Variants in TBC1D1 observed in about 807,000 individuals in gnomAD.
TBC1D1 encodes the protein TBC1 domain family member 1, also known as TBC1 (tre-2/USP6, BUB2, cdc16) domain family, member 1.
In TBC1D1, 89 loss-of-function variants were observed where a neutral mutation model predicts 125.6. The observed-to-expected ratio is 0.71, with a 90% confidence interval of 0.60 to 0.85. The LOEUF (loss-of-function observed/expected upper bound fraction) is 0.85, where lower values mean the gene tolerates loss of function less well. Among genes scored for constraint, TBC1D1 ranks in the 40% least tolerant of loss-of-function variants. TBC1D1 has a pLI of 0.00. For synonymous variants in TBC1D1, 565 were observed against 564.1 expected, an observed-to-expected ratio of 1.00 and a Z score of -0.02; for missense variants, 1,377 against 1,469.2, an observed-to-expected ratio of 0.94 and a Z score of 1.03.
intron 2 of TBC1D1, among the ~76,000 whole-genome samples, chr4:37,939,466 G>T (rs1472936490): frequency 6.6e-6 from 1 of 152,184 alleles, no homozygotes; most frequent in Non-Finnish European, 1.5e-5. Flanking sequence ...CTCCCATTCT[G>T]TAGGTTGCCT....
chr4:38,014,648 A>C lies in TBC1D1; in HGVS notation c.557A>C (p.Lys186Thr). 6.2e-7 allele frequency: 1 copy of C among 1,613,322 alleles called. No individual in the cohort carries two copies. Among genetic ancestry groups the C allele is most frequent in the Non-Finnish European group, 8.5e-7 (1 of 1,180,026 alleles). ...TGCGGCCGCGTGACGGTGGCGCACA[A>C]GAAGGCTCCGCCGGCCCTGATCGAC... is the stretch of plus-strand genomic sequence containing the variant. The change falls in exon 3 of 20, where the codon AAG becomes ACG. Residue 186 changes from lysine to threonine, a missense_variant. By Grantham distance (78) the Lys-to-Thr change is moderately conservative. This residue lies in a region of TBC1D1 where 822 missense variants were observed against 824.6 expected (regional missense o/e 1.00). Coordinates refer to ENST00000261439, the MANE Select transcript of TBC1D1 (RefSeq NM_015173.4). The surrounding 1 kb of genome is among the most constrained non-coding windows in gnomAD (Gnocchi z 5.1).
At chr4:38,093,681 G>A (rs1022701060) in intron 13 of TBC1D1, among the ~76,000 whole-genome samples, 17 of 148,150 alleles carry the variant, frequency 1.1e-4, no homozygotes, top group Non-Finnish European at 1.7e-4. Context: ...CACCACACCC[G>A]GCTAATTTTT....
intron 12 of TBC1D1, among the ~76,000 whole-genome samples, chr4:38,062,261 T>G (rs894817098): frequency 1.3e-5 from 2 of 151,864 alleles, no homozygotes; most frequent in Admixed American, 6.6e-5. Flanking sequence ...CCCGGAAAAG[T>G]GTGCTTGTTT....
At chr4:38,117,668 C>T (rs1358139685) in intron 16 of TBC1D1, among the ~76,000 whole-genome samples, 1 of 152,196 alleles carries the variant, frequency 6.6e-6, no homozygotes, top group African/African-American at 2.4e-5. Context: ...CTTCTTATTT[C>T]TAATTCCTCC....
intron 8 of TBC1D1, 63 bp downstream of exon 8, chr4:38,035,761 G>A (rs1053977517): frequency 9.7e-6 from 12 of 1,239,438 alleles, no homozygotes; most frequent in East Asian, 4.8e-5. Context: ...TATAAACAAC[G>A]TTTTGAGGAT....
At chr4:37,920,636 AG>A (rs1443476734) in intron 2 of TBC1D1, among the ~76,000 whole-genome samples, 1 of 152,186 alleles carries the variant, frequency 6.6e-6, no homozygotes, top group Non-Finnish European at 1.5e-5. Flanking sequence ...GGAGCCATGC[AG>A]GTGGAGCATA....
intron 18 of TBC1D1, among the ~76,000 whole-genome samples, chr4:38,125,439 T>C (rs753937218): frequency 6.6e-6 from 1 of 152,226 alleles, no homozygotes; most frequent in Non-Finnish European, 1.5e-5. Flanking sequence ...CTGAAACATA[T>C]ATATATTTAT....
chr4:38,031,046 G>A (rs559102657), intron 7 of TBC1D1, among the ~76,000 whole-genome samples: 16 of 152,290 alleles, frequency 1.1e-4, no homozygotes, highest in South Asian at 4.1e-4. Flanking sequence ...ATTTATGAGC[G>A]TTTTTGAAAT....
chr4:38,115,349 A>T (rs675536), intron 15 of TBC1D1, among the ~76,000 whole-genome samples: 3 of 151,368 alleles, frequency 2.0e-5, no homozygotes, highest in African/African-American at 7.3e-5. Flanking sequence ...CGATCCTTCC[A>T]CCTAGGCCTC....
chr4:38,020,274 G>A (rs1166804099), intron 4 of TBC1D1, among the ~76,000 whole-genome samples: 1 of 152,056 alleles, frequency 6.6e-6, no homozygotes, highest in East Asian at 1.9e-4. Flanking sequence ...ATTACCTGAG[G>A]TCAGGAGTTC....
intron 2 of TBC1D1, among the ~76,000 whole-genome samples, chr4:37,998,018 C>T (rs1033173861): frequency 2.0e-5 from 3 of 152,108 alleles, no homozygotes; most frequent in African/African-American, 7.2e-5. Context: ...TGCCATCTAG[C>T]CACTGAACCC....
At chr4:37,956,539 A>T (rs1372131100) in intron 2 of TBC1D1, among the ~76,000 whole-genome samples, 1 of 152,210 alleles carries the variant, frequency 6.6e-6, no homozygotes, top group East Asian at 1.9e-4. Context: ...ATTGTGCTTT[A>T]ACACATTTAA....
intron 8 of TBC1D1, among the ~76,000 whole-genome samples, chr4:38,043,920 T>C (rs1748907785): frequency 6.6e-6 from 1 of 152,236 alleles, no homozygotes; most frequent in Non-Finnish European, 1.5e-5. Context: ...TAATGATAGC[T>C]ACCTTTCTAC....
At chr4:38,032,140 G>A (rs1044383679) in intron 7 of TBC1D1, among the ~76,000 whole-genome samples, 7 of 152,124 alleles carry the variant, frequency 4.6e-5, no homozygotes, top group Non-Finnish European at 5.9e-5. Context: ...CCAACATGGC[G>A]AAACCCTGTC....
At chr4:38,116,856 T>C (rs1206205239) in intron 16 of TBC1D1, among the ~76,000 whole-genome samples, 1 of 152,200 alleles carries the variant, frequency 6.6e-6, no homozygotes, top group African/African-American at 2.4e-5. Flanking sequence ...TGGGAGGGAA[T>C]ACATTAGAGC....
At chr4:38,063,925 G>A (rs1339253201) in intron 12 of TBC1D1, among the ~76,000 whole-genome samples, 1 of 152,090 alleles carries the variant, frequency 6.6e-6, no homozygotes, top group African/African-American at 2.4e-5. Flanking sequence ...CCGACCCACC[G>A]CAGTCTAATT....
rs541376156 is a variant in TBC1D1, at chr4:38,101,222, G to A, written c.2399-1777G>A. Reference sequence around the variant, plus strand: ...CAGAAACCAGAGAAACCATCCTTCTGGACAGGCTGTCTGAGTGGCAGGGCA... The same window carrying A: ...CAGAAACCAGAGAAACCATCCTTCTAGACAGGCTGTCTGAGTGGCAGGGCA... On this transcript the variant is annotated intron_variant, in intron 14 of 19. Transcript: ENST00000261439. 3.9e-4 allele frequency among the ~76,000 whole-genome samples: 60 copies of A among 152,330 alleles called. 2 individuals are homozygous for A. In the Middle Eastern group the frequency reaches 0.02, roughly 52 times the overall value.
Position 37,909,571 on chromosome 4 carries a change from C to T in TBC1D1, c.417+7059C>T, listed in dbSNP as rs1046864812. Among the ~76,000 whole-genome samples the T allele has an allele frequency of 5.9e-5, 9 of 152,284 alleles. No homozygotes were observed. In the South Asian group the frequency reaches 1.7e-3, roughly 28 times the overall value. On this transcript the variant is annotated intron_variant, in intron 2 of 19. Coordinates refer to ENST00000261439, the MANE Select transcript of TBC1D1 (RefSeq NM_015173.4). ...CTAGAGTGAAGATCGAAGATTACAA[C>T]ACAGAGCTAGAGCATTTTGTTTCTG...
chr4:37,934,445 G>C (rs1205542351), intron 2 of TBC1D1, among the ~76,000 whole-genome samples: 1 of 152,176 alleles, frequency 6.6e-6, no homozygotes, highest in Non-Finnish European at 1.5e-5. Flanking sequence ...AGGGAGCGAA[G>C]AGAGTAAGTC....
Sources: gnomAD v4.1 joint callset for allele counts (sites outside exome capture counted in the v4.1 genomes callset) on GRCh38, gnomAD v4.1.1 for gene constraint, gnomAD v4.1.1 regional missense constraint, Gnocchi (gnomAD v3.1) non-coding constraint, MANE v1.5 for transcripts, NCBI Gene and HGNC (gene_info 2026-07-23, HGNC 2026-07-21) for gene names.